COLQ: variants seen among roughly 807,000 people sequenced by gnomAD.
The protein encoded by COLQ is acetylcholinesterase collagenic tail peptide.
In COLQ, 48 loss-of-function variants were observed where a neutral mutation model predicts 69.0. The ratio of observed to expected loss-of-function variants is 0.70; its 90% CI spans 0.55 to 0.88. The LOEUF is 0.88. Among genes scored for constraint, COLQ ranks in the 40% least tolerant of loss-of-function variants. The pLI is 0.00. For missense variants in COLQ, 618 were observed against 594.6 expected (o/e 1.04, Z -0.41); for synonymous variants, 217 against 211.2 (o/e 1.03, Z -0.24).
chr3:15,459,399 C>T (rs1231320002), intron 12 of COLQ, among the ~76,000 whole-genome samples: 1 of 151,802 alleles, frequency 6.6e-6, no homozygotes, highest in Non-Finnish European at 1.5e-5. Context: ...CTTCTGAAAA[C>T]TGAACTGAAC....
At chr3:15,479,290 G>A in intron 4 of COLQ, 48 bp downstream of exon 4, 5 of 1,582,170 alleles carry the variant, frequency 3.2e-6, no homozygotes, top group Non-Finnish European at 4.3e-6. Context: ...CAGAAAACAG[G>A]CTGGAATTGC....
chr3:15,495,177 G>A (rs1051383700), intron 1 of COLQ, among the ~76,000 whole-genome samples: 3 of 152,194 alleles, frequency 2.0e-5, no homozygotes, highest in African/African-American at 7.2e-5. Context: ...TAGCATCAGT[G>A]CCCTCCAAGC....
At chr3:15,470,761 C>G (rs2125110104) in intron 10 of COLQ, 145 bp from the exon 11 acceptor site, 1 of 776,122 alleles carries the variant, frequency 1.3e-6, no homozygotes, top group Non-Finnish European at 2.3e-6. Flanking sequence ...GCAAGGTTAG[C>G]AGAGTGAGGA....
intron 3 of COLQ, among the ~76,000 whole-genome samples, chr3:15,480,450 C>T (rs1035043595): frequency 4.0e-4 from 61 of 151,934 alleles, no homozygotes; most frequent in Middle Eastern, 6.8e-3. Context: ...TCTGTCCTTG[C>T]GATAGTTTGC....
chr3:15,510,162 C>T (rs367885386), intron 1 of COLQ, among the ~76,000 whole-genome samples: 102 of 150,226 alleles, frequency 6.8e-4, no homozygotes, highest in African/African-American at 2.4e-3. Flanking sequence ...GGCGACAGAG[C>T]GAGACTCTGT....
intron 1 of COLQ, chr3:15,498,424 A>G: frequency 5.1e-6 from 7 of 1,384,612 alleles, no homozygotes; most frequent in Non-Finnish European, 7.0e-6. Flanking sequence ...CTCCTAGTAC[A>G]GTCTGCTTTC....
At chr3:15,514,929 G>T (rs2063038667) in intron 1 of COLQ, among the ~76,000 whole-genome samples, 1 of 152,184 alleles carries the variant, frequency 6.6e-6, no homozygotes, top group South Asian at 2.1e-4. Context: ...ATAGATATCA[G>T]AAATACTTTT....
At chr3:15,505,321 T>A (rs545019372) in intron 1 of COLQ, among the ~76,000 whole-genome samples, 66 of 152,196 alleles carry the variant, frequency 4.3e-4, no homozygotes, top group Non-Finnish European at 7.8e-4. Context: ...GGAGGAAAAG[T>A]CTATCCTCAC....
intron 3 of COLQ, among the ~76,000 whole-genome samples, chr3:15,482,524 A>G (rs1451463154): frequency 1.3e-5 from 2 of 152,138 alleles, no homozygotes; most frequent in Non-Finnish European, 2.9e-5. Flanking sequence ...ATTGATTTGC[A>G]TATGTCGAAC....
At chr3:15,467,731 C>T (rs1361937282) in intron 11 of COLQ, 2 of 389,546 alleles carry the variant, frequency 5.1e-6, no homozygotes, top group Non-Finnish European at 1.0e-5. Context: ...TGACCTGGTT[C>T]TTCTTACTAC....
intron 3 of COLQ, among the ~76,000 whole-genome samples, chr3:15,487,397 G>A (rs1444278915): frequency 6.6e-6 from 1 of 152,228 alleles, no homozygotes; most frequent in African/African-American, 2.4e-5. Flanking sequence ...CAATGGAGGT[G>A]GTATGAGGTG....
chr3:15,515,984 TG>T (rs1399910127), intron 1 of COLQ, among the ~76,000 whole-genome samples: 1 of 151,762 alleles, frequency 6.6e-6, no homozygotes, highest in African/African-American at 2.4e-5. Context: ...AACAGTAAGG[TG>T]GGGGGTTGGC....
intron 1 of COLQ, among the ~76,000 whole-genome samples, chr3:15,515,378 C>T (rs1426921626): frequency 6.6e-6 from 1 of 152,170 alleles, no homozygotes; most frequent in Non-Finnish European, 1.5e-5. Context: ...GCACCCAGGA[C>T]CCCTCACAGT....
intron 12 of COLQ, among the ~76,000 whole-genome samples, chr3:15,461,093 T>C (rs545923372): frequency 1.9e-4 from 29 of 152,330 alleles, no homozygotes; most frequent in Admixed American, 1.4e-3. Flanking sequence ...AGGTACCACG[T>C]TGATTCACTT....
rs542930277 is a variant in COLQ at position 15,473,231 on chromosome 3, C to T, written c.636+769G>A. On this transcript the variant is annotated intron_variant, in intron 10 of 16. Coordinates refer to ENST00000383788, the MANE Select transcript of COLQ (RefSeq NM_005677.4). This position sits in a 1 kb window ranked among gnomAD's most constrained non-coding sequence, Gnocchi z 4.0. The stretch of plus-strand genomic sequence containing the variant: ...GCAGTGGTGCAATCATGGCTTACCG[C>T]AGCTTTGACTCCTGGGCTCAGGCCA... Among the ~76,000 whole-genome samples, 58 of 152,250 alleles carry T rather than the reference C, an allele frequency of 3.8e-4. No homozygotes were observed. The highest frequency in any genetic ancestry group is 1.3e-3 in the African/African-American group (56 of 41,534).
rs2062150617 is a variant in COLQ, at chr3:15,463,330, GTTGTTTTTGTTGTTTT to G, written c.814+2995_814+3010del. Among the ~76,000 whole-genome samples the G allele has an allele frequency of 8.0e-5, 12 of 150,490 alleles. No homozygotes were observed. The South Asian group carries it at 2.5e-3, about 32-fold the overall frequency. Reference sequence around the variant, plus strand: ...TTTGGTTTTGGTTTTGTTTTTTTTTGTTGTTTTTGTTGTTTTTTGTTTTTTGTTTTTTTTGAGATGG... The same window carrying G: ...TTTGGTTTTGGTTTTGTTTTTTTTTGTTGTTTTTTGTTTTTTTTGAGATGG... On this transcript the variant is annotated intron_variant, in intron 12 of 16. Coordinates refer to ENST00000383788, the MANE Select transcript of COLQ (RefSeq NM_005677.4).
chr3:15,483,951 C>T (rs1054776878), intron 3 of COLQ, among the ~76,000 whole-genome samples: 2 of 152,108 alleles, frequency 1.3e-5, no homozygotes, highest in Non-Finnish European at 2.9e-5. Context: ...TGAATTCATC[C>T]CTTTACCATT....
chr3:15,468,151 T>C (rs2125106053), intron 11 of COLQ, among the ~76,000 whole-genome samples: 1 of 152,286 alleles, frequency 6.6e-6, no homozygotes, highest in Admixed American at 6.5e-5. Context: ...TCCTTCATTC[T>C]GACACCAGCA....
chr3:15,495,821 G>T (rs1310391366), intron 1 of COLQ, among the ~76,000 whole-genome samples: 2 of 152,120 alleles, frequency 1.3e-5, no homozygotes, highest in Non-Finnish European at 2.9e-5. Flanking sequence ...CGCTAGGAGT[G>T]GGCAGCTTCA....
Sources: gnomAD v4.1 joint callset for allele counts (sites outside exome capture counted in the v4.1 genomes callset) on GRCh38, gnomAD v4.1.1 for gene constraint, Gnocchi (gnomAD v3.1) non-coding constraint, MANE v1.5 for transcripts, NCBI Gene and HGNC (gene_info 2026-07-23, HGNC 2026-07-21) for gene names.